Variants in CADM2 observed in about 807,000 individuals in gnomAD.
The protein encoded by CADM2 is immunoglobulin superfamily member 4D.
A neutral mutation model predicts 49.8 loss-of-function variants in CADM2; 12 were observed. That is an observed-to-expected ratio of 0.24 (90% CI 0.15 to 0.39). CADM2 has a LOEUF of 0.39. CADM2 is among the 10% of genes least tolerant of loss of function. The pLI is 1.00. For missense variants in CADM2, 378 were observed against 492.3 expected, an observed-to-expected ratio of 0.77 and a Z score of 2.20; for synonymous variants, 214 against 175.4, an observed-to-expected ratio of 1.22 and a Z score of -1.74.
At chr3:84,980,977 A>ATT (rs142858661) in intron 1 of CADM2, among the ~76,000 whole-genome samples, 2 of 151,588 alleles carry the variant, frequency 1.3e-5, no homozygotes, top group African/African-American at 4.9e-5. Flanking sequence ...TAATATAGGA[A>ATT]TTTTTTTTTA....
At chr3:85,864,401 T>A (rs563916787) in intron 3 of CADM2, among the ~76,000 whole-genome samples, 1 of 152,348 alleles carries the variant, frequency 6.6e-6, no homozygotes, top group Admixed American at 6.5e-5. Context: ...AATTTGCCTG[T>A]AACTTTCCCT....
chr3:85,590,927 A>ATTTTT, intron 1 of CADM2, among the ~76,000 whole-genome samples: 1 of 148,906 alleles, frequency 6.7e-6, no homozygotes, highest in East Asian at 2.0e-4. Context: ...TTGGAAACTC[A>ATTTTT]TTTTTTTTTT....
At chr3:85,818,908 T>G (rs1019177213) in intron 3 of CADM2, among the ~76,000 whole-genome samples, 3 of 143,384 alleles carry the variant, frequency 2.1e-5, no homozygotes, top group African/African-American at 9.0e-5. Flanking sequence ...GACGTATATG[T>G]GAAAGGGAGT....
rs578182292 is a variant in CADM2, at chr3:85,920,634, C to T, written c.700+8091C>T. Among the ~76,000 whole-genome samples the T allele has an allele frequency of 4.6e-4, 70 of 151,596 alleles. No homozygotes were observed. In the South Asian group the frequency reaches 0.014, roughly 31 times the overall value. ...GTATATATTAATGGCACATTTTGCT[C>T]ATGAGACAAATATTGTTTTCTTTTA... On this transcript the variant is annotated intron_variant, in intron 6 of 9. Coordinates refer to ENST00000383699, the MANE Select transcript of CADM2 (RefSeq NM_001167675.2).
chr3:85,359,666 A>ATATATTTTTTTTTT, intron 1 of CADM2, among the ~76,000 whole-genome samples: 13 of 26,556 alleles, frequency 4.9e-4, no homozygotes, highest in Admixed American at 1.7e-3. Flanking sequence ...ATATATATAT[A>ATATATTTTTTTTTT]TTTTTTTTTT....
In CADM2 at chr3:85,469,412, C is replaced by T. The variant is rs555510908; in HGVS notation, c.62-257110C>T. Among the ~76,000 whole-genome samples, 4 of 152,206 alleles carry T rather than the reference C, an allele frequency of 2.6e-5. No individual in the cohort carries two copies. The South Asian group carries it at 6.2e-4, about 24-fold the overall frequency. On this transcript the variant is annotated intron_variant, in intron 1 of 9. Coordinates refer to ENST00000383699, the MANE Select transcript of CADM2 (RefSeq NM_001167675.2). Reference sequence around the variant, plus strand: ...AAGGGTGGGAACATAACAGAAAAGACGGGCCCTGTGTGGACAGACACGCCA... The same window carrying T: ...AAGGGTGGGAACATAACAGAAAAGATGGGCCCTGTGTGGACAGACACGCCA...
At chr3:85,265,648 G>A (rs2043106690) in intron 1 of CADM2, among the ~76,000 whole-genome samples, 2 of 151,942 alleles carry the variant, frequency 1.3e-5, no homozygotes, top group African/African-American at 4.8e-5. Flanking sequence ...TTTTGCTTTG[G>A]GGATTAAATT....
intron 8 of CADM2, chr3:86,013,326 AAAG>A: frequency 6.5e-7 from 1 of 1,546,424 alleles, no homozygotes; most frequent in Non-Finnish European, 8.9e-7. Context: ...GAAGGAAAAC[AAAG>A]AATACCTAAA....
intron 6 of CADM2, among the ~76,000 whole-genome samples, chr3:85,931,862 A>C (rs997850343): frequency 6.6e-6 from 1 of 151,784 alleles, no homozygotes; most frequent in Non-Finnish European, 1.5e-5. Flanking sequence ...ATTTAAAATC[A>C]TTAAATTTTA....
At chr3:84,981,456 A>G (rs142556283) in intron 1 of CADM2, among the ~76,000 whole-genome samples, 100 of 152,194 alleles carry the variant, frequency 6.6e-4, no homozygotes, top group Admixed American at 5.0e-3. Context: ...TTATAAATCT[A>G]TACATGAGTA....
intron 1 of CADM2, among the ~76,000 whole-genome samples, chr3:85,274,889 C>G (rs1576259931): frequency 6.6e-6 from 1 of 151,406 alleles, no homozygotes; most frequent in Non-Finnish European, 1.5e-5. Context: ...AGTAGAGACA[C>G]TGAGTAAACA....
At chr3:85,327,769 G>A (rs1285453560) in intron 1 of CADM2, among the ~76,000 whole-genome samples, 1 of 151,530 alleles carries the variant, frequency 6.6e-6, no homozygotes, top group African/African-American at 2.4e-5. Flanking sequence ...ATTTTGTTTG[G>A]CCTTATTTTT....
chr3:85,599,131 AG>A (rs1559934542), intron 1 of CADM2, among the ~76,000 whole-genome samples: 2 of 152,120 alleles, frequency 1.3e-5, no homozygotes, highest in South Asian at 4.1e-4. Context: ...ATTGCATTTA[AG>A]GAAGATACCT....
intron 1 of CADM2, among the ~76,000 whole-genome samples, chr3:85,672,353 T>C (rs1026055052): frequency 1.3e-5 from 2 of 151,876 alleles, no homozygotes; most frequent in African/African-American, 4.8e-5. Context: ...CCACCACGCC[T>C]GACTAATTTT....
chr3:85,500,509 T>A (rs1190951006), intron 1 of CADM2, among the ~76,000 whole-genome samples: 4 of 152,034 alleles, frequency 2.6e-5, no homozygotes, highest in Non-Finnish European at 5.9e-5. Context: ...TGATATATTT[T>A]TTCATAGGTG....
intron 1 of CADM2, among the ~76,000 whole-genome samples, chr3:85,289,858 C>A (rs918093643): frequency 1.3e-5 from 2 of 152,114 alleles, no homozygotes; most frequent in Non-Finnish European, 2.9e-5. Context: ...CTAAAATCAT[C>A]GCCTCTTAAA....
intron 1 of CADM2, among the ~76,000 whole-genome samples, chr3:85,706,277 A>G (rs928201745): frequency 6.6e-6 from 1 of 152,210 alleles, no homozygotes; most frequent in Admixed American, 6.5e-5. Context: ...TTACTTTTAG[A>G]TAATTAAAGC....
At chr3:85,699,886 A>T (rs1322894401) in intron 1 of CADM2, among the ~76,000 whole-genome samples, 1 of 152,230 alleles carries the variant, frequency 6.6e-6, no homozygotes, top group Non-Finnish European at 1.5e-5. Context: ...TCAAATGGGC[A>T]GGCTGCAAAT....
chr3:85,568,460 T>TC (rs1559915973), intron 1 of CADM2, among the ~76,000 whole-genome samples: 919 of 30,294 alleles, frequency 0.03, 47 homozygotes, highest in African/African-American at 0.069. Flanking sequence ...TCTTTCTTTC[T>TC]TTCTCTTTCT....
Sources: allele counts gnomAD v4.1 joint callset (sites outside exome capture counted in the v4.1 genomes callset), GRCh38; gene constraint gnomAD v4.1.1; transcripts MANE v1.5; gene names NCBI Gene and HGNC (gene_info 2026-07-23, HGNC 2026-07-21).